The following TMEM164 variants were observed in gnomAD, a reference collection of about 807,000 sequenced individuals.
TMEM164 encodes the protein RP13-360B22.2.
TMEM164 carries 4 observed loss-of-function variants against 18.8 expected under a neutral mutation model. The observed-to-expected ratio is 0.21, with a 90% CI of 0.10 to 0.49. TMEM164 has a LOEUF of 0.49. Ranked by LOEUF, TMEM164 falls within the 20% of genes least tolerant of loss-of-function variation. The pLI is 0.98. For missense variants in TMEM164, 108 were observed against 239.9 expected (o/e 0.45, Z 3.63); for synonymous variants, 86 against 101.7 (o/e 0.85, Z 0.93).
intron 5 of TMEM164, among the ~76,000 whole-genome samples, chrX:110,162,654 G>A (rs2067108977): frequency 1.8e-5 from 2 of 112,251 alleles, no homozygotes; most frequent in Non-Finnish European, 3.8e-5. Context: ...AAATATTCAC[G>A]ATCATCTTGG....
At chrX:110,083,822 G>T (rs952745755) in intron 3 of TMEM164, among the ~76,000 whole-genome samples, 2 of 111,595 alleles carry the variant, frequency 1.8e-5, no homozygotes, top group African/African-American at 6.5e-5. Context: ...TTACTGGTAG[G>T]TAGGAAAATT....
intron 3 of TMEM164, among the ~76,000 whole-genome samples, chrX:110,087,627 A>G (rs925505647): frequency 4.5e-5 from 5 of 110,660 alleles, no homozygotes; most frequent in African/African-American, 1.3e-4. Context: ...TGAGTCACTG[A>G]GTGGTATGGT....
chrX:110,056,675 C>T (rs1198234212), intron 2 of TMEM164, among the ~76,000 whole-genome samples: 1 of 111,615 alleles, frequency 9.0e-6, no homozygotes, highest in African/African-American at 3.3e-5. Flanking sequence ...TAAAAGGGTT[C>T]CAATTTCTCC....
At chrX:110,107,411 C>A (rs903665760) in intron 3 of TMEM164, among the ~76,000 whole-genome samples, 1 of 112,128 alleles carries the variant, frequency 8.9e-6, no homozygotes, top group African/African-American at 3.2e-5. Flanking sequence ...TCATGTAAAG[C>A]AGTTAATCAG....
intron 3 of TMEM164, among the ~76,000 whole-genome samples, chrX:110,095,310 G>A (rs1319585847): frequency 8.9e-6 from 1 of 111,959 alleles, no homozygotes; most frequent in African/African-American, 3.2e-5. Flanking sequence ...TCACTTTCAG[G>A]TACACCAATC....
chrX:110,021,364 G>A (rs1233464794), intron 2 of TMEM164, among the ~76,000 whole-genome samples: 3 of 110,996 alleles, frequency 2.7e-5, no homozygotes, highest in Non-Finnish European at 5.7e-5. Context: ...TGAGGCAGGG[G>A]GCATGGAGAG....
intron 2 of TMEM164, among the ~76,000 whole-genome samples, chrX:110,030,443 T>A (rs1341629737): frequency 9.3e-6 from 1 of 107,877 alleles, no homozygotes; most frequent in African/African-American, 3.4e-5. Flanking sequence ...TTTTAACATT[T>A]TTTTTCGTGT....
chrX:110,054,776 G>A (rs1935737143), intron 2 of TMEM164, among the ~76,000 whole-genome samples: 1 of 111,704 alleles, frequency 9.0e-6, no homozygotes, highest in Non-Finnish European at 1.9e-5. Context: ...CTTACCCAGG[G>A]CTGTTGGTTT....
intron 2 of TMEM164, among the ~76,000 whole-genome samples, chrX:110,035,127 G>A (rs1371636439): frequency 2.9e-5 from 3 of 104,099 alleles, no homozygotes; most frequent in African/African-American, 1.1e-4. Flanking sequence ...GCTAAATGAC[G>A]AGTTAATGGG....
chrX:110,130,681 C>CTT (rs752247755), intron 4 of TMEM164, among the ~76,000 whole-genome samples: 3 of 96,215 alleles, frequency 3.1e-5, no homozygotes, highest in African/African-American at 7.5e-5. Context: ...ACCTCTGTAT[C>CTT]TTTTTTTTTT....
intron 2 of TMEM164, among the ~76,000 whole-genome samples, chrX:110,039,052 G>A (rs1284638385): frequency 9.0e-6 from 1 of 111,610 alleles, no homozygotes; most frequent in African/African-American, 3.3e-5. Context: ...TGAACTTGGG[G>A]AAGTTTCTTA....
intron 5 of TMEM164, among the ~76,000 whole-genome samples, chrX:110,162,646 A>G (rs2067108836): frequency 1.8e-5 from 2 of 112,385 alleles, no homozygotes; most frequent in South Asian, 7.4e-4. Context: ...GGGGAATCAA[A>G]TATTCACGAT....
chrX:110,152,371 T>C (rs1316506115), intron 5 of TMEM164, among the ~76,000 whole-genome samples: 1 of 111,377 alleles, frequency 9.0e-6, no homozygotes, highest in Non-Finnish European at 1.9e-5. Flanking sequence ...TACCTTTCTA[T>C]GTAATTTATC....
At chrX:110,012,030 G>A (rs1404246563) in intron 2 of TMEM164, among the ~76,000 whole-genome samples, 1 of 111,850 alleles carries the variant, frequency 8.9e-6, no homozygotes, top group Non-Finnish European at 1.9e-5. Flanking sequence ...AGAAAATTGT[G>A]TTCTCTGTGC....
intron 3 of TMEM164, among the ~76,000 whole-genome samples, chrX:110,078,284 G>A (rs1452933394): frequency 2.7e-5 from 3 of 111,998 alleles, no homozygotes; most frequent in Admixed American, 1.9e-4. Context: ...GAAAACTTGT[G>A]TAGTGAAGTT....
chrX:110,090,791 G>A (rs2065915000), intron 3 of TMEM164, among the ~76,000 whole-genome samples: 1 of 110,912 alleles, frequency 9.0e-6, no homozygotes, highest in Admixed American at 9.6e-5. Flanking sequence ...CATGTGCCAT[G>A]TTGGTGTGCT....
At chrX:110,159,528 C>T (rs954684009) in intron 5 of TMEM164, among the ~76,000 whole-genome samples, 2 of 109,931 alleles carry the variant, frequency 1.8e-5, no homozygotes, top group Non-Finnish European at 3.8e-5. Context: ...TTCAGGAGGC[C>T]ACGAGGTTAG....
chrX:110,139,474 G>A (rs1484740795), intron 4 of TMEM164, among the ~76,000 whole-genome samples: 1 of 112,061 alleles, frequency 8.9e-6, no homozygotes, highest in Admixed American at 9.4e-5. Flanking sequence ...GAGAAGTTGT[G>A]AAATAGTGGC....
chrX:110,019,771 A>G (rs1284683725), intron 2 of TMEM164, among the ~76,000 whole-genome samples: 1 of 112,271 alleles, frequency 8.9e-6, no homozygotes, highest in Non-Finnish European at 1.9e-5. Flanking sequence ...ATTAATATAT[A>G]GACTAGGGAT....
Sources: allele counts gnomAD v4.1 joint callset (sites outside exome capture counted in the v4.1 genomes callset), GRCh38; gene constraint gnomAD v4.1.1; transcripts MANE v1.5; gene names NCBI Gene and HGNC (gene_info 2026-07-23, HGNC 2026-07-21).